The following GADL1 variants were observed in gnomAD, a reference collection of about 807,000 sequenced individuals.
GADL1 encodes the protein acidic amino acid decarboxylase GADL1.
In GADL1, 71 loss-of-function variants were observed where a neutral mutation model predicts 69.5. The ratio of observed to expected loss-of-function variants is 1.02; its 90% CI spans 0.84 to 1.25. The LOEUF (loss-of-function observed/expected upper bound fraction) is 1.25, where lower values mean the gene tolerates loss of function less well. GADL1 is among the 50% of genes most tolerant of loss of function. The pLI is 0.00. For missense variants in GADL1, 737 were observed against 631.8 expected, an observed-to-expected ratio of 1.17 and a Z score of -1.79; for synonymous variants, 254 against 214.4, an observed-to-expected ratio of 1.18 and a Z score of -1.62.
intron 12 of GADL1, among the ~76,000 whole-genome samples, chr3:30,790,303 T>A (rs762730211): frequency 6.6e-6 from 1 of 152,192 alleles, no homozygotes; most frequent in Non-Finnish European, 1.5e-5. Flanking sequence ...GGGTGCATTC[T>A]ATGGAGCCCC....
At chr3:30,849,441 C>T (rs1698110757) in intron 6 of GADL1, among the ~76,000 whole-genome samples, 1 of 152,112 alleles carries the variant, frequency 6.6e-6, no homozygotes, top group African/African-American at 2.4e-5. Context: ...GGACTGAATC[C>T]AGGCAGCCTA....
chr3:30,824,832 A>T (rs1697656649), intron 11 of GADL1, among the ~76,000 whole-genome samples: 1 of 151,296 alleles, frequency 6.6e-6, no homozygotes, highest in South Asian at 2.1e-4. Flanking sequence ...GTTTCTGGTT[A>T]TGTTCTTTAT....
At chr3:30,865,300 TATA>T (rs151329122) in intron 1 of GADL1, among the ~76,000 whole-genome samples, 23,476 of 148,918 alleles carry the variant, frequency 0.16, 2,386 homozygotes, top group East Asian at 0.36. Flanking sequence ...TATATATATA[TATA>T]TATTTTTTAA....
chr3:30,753,103 C>T (rs1007568481), intron 14 of GADL1, among the ~76,000 whole-genome samples: 1 of 152,094 alleles, frequency 6.6e-6, no homozygotes, highest in Non-Finnish European at 1.5e-5. Flanking sequence ...AGTGCAGTGT[C>T]TTTTTCTTAT....
chr3:30,752,599 C>T (rs545858583), intron 14 of GADL1, among the ~76,000 whole-genome samples: 2 of 152,272 alleles, frequency 1.3e-5, no homozygotes, highest in African/African-American at 2.4e-5. Context: ...TTTTCTCTGT[C>T]CTTTCTCTTA....
intron 14 of GADL1, among the ~76,000 whole-genome samples, chr3:30,765,367 T>C (rs529098000): frequency 6.6e-6 from 1 of 152,316 alleles, no homozygotes; most frequent in East Asian, 1.9e-4. Flanking sequence ...GGTGGGATAA[T>C]GGACAAAGAA....
intron 11 of GADL1, among the ~76,000 whole-genome samples, chr3:30,830,884 A>G (rs1482977603): frequency 3.3e-5 from 5 of 151,962 alleles, no homozygotes; most frequent in African/African-American, 1.2e-4. Flanking sequence ...CCTAAATGGA[A>G]TCATTCGTTC....
intron 11 of GADL1, among the ~76,000 whole-genome samples, chr3:30,813,579 T>C (rs1697401907): frequency 6.6e-6 from 1 of 152,254 alleles, no homozygotes; most frequent in Admixed American, 6.5e-5. Flanking sequence ...CAATTTTACC[T>C]GTAGCAGTAA....
At chr3:30,752,649 T>C (rs185551968) in intron 14 of GADL1, among the ~76,000 whole-genome samples, 1 of 152,158 alleles carries the variant, frequency 6.6e-6, no homozygotes, top group East Asian at 1.9e-4. Context: ...AAACGTCCAC[T>C]GGAGCATACT....
At chr3:30,786,616 G>A (rs970544245) in intron 12 of GADL1, among the ~76,000 whole-genome samples, 3 of 152,152 alleles carry the variant, frequency 2.0e-5, no homozygotes, top group African/African-American at 7.2e-5. Context: ...TTTTGATGAT[G>A]ATATCTATCT....
At chr3:30,752,944 C>T (rs1695865303) in intron 14 of GADL1, among the ~76,000 whole-genome samples, 1 of 123,616 alleles carries the variant, frequency 8.1e-6, no homozygotes, top group Non-Finnish European at 1.7e-5. Context: ...GAACACAATC[C>T]TCGTTTTTTA....
intron 4 of GADL1, among the ~76,000 whole-genome samples, chr3:30,852,034 G>A (rs1200021593): frequency 2.0e-5 from 3 of 152,080 alleles, no homozygotes; most frequent in African/African-American, 7.2e-5. Flanking sequence ...GAATAAATGT[G>A]TACTCTAAAT....
intron 1 of GADL1, among the ~76,000 whole-genome samples, chr3:30,892,638 G>GT (rs139430571): frequency 0.021 from 3,177 of 152,126 alleles, 107 homozygotes; most frequent in African/African-American, 0.072. Context: ...AGATACCTTG[G>GT]TTTTTTTGTT....
intron 11 of GADL1, among the ~76,000 whole-genome samples, chr3:30,803,936 C>T (rs1697207222): frequency 1.3e-5 from 2 of 152,128 alleles, no homozygotes. Flanking sequence ...TTATCTTGCT[C>T]ATCTTCATAC....
chr3:30,894,651 T>A lies in GADL1; in HGVS notation c.-37A>T. On this transcript the variant is annotated 5_prime_UTR_variant, in exon 1 of 15. Coordinates refer to ENST00000282538, the MANE Select transcript of GADL1 (RefSeq NM_207359.3). ...CACTCCAGGCTGCCCCGGGCGCGGC[T>A]CCCGCAGTCTGGGCGGCGACGGTGG... 1 of 1,544,902 alleles carries A rather than the reference T, an allele frequency of 6.5e-7. No individual in the cohort carries two copies. The highest frequency in any genetic ancestry group is 8.8e-7 in the Non-Finnish European group (1 of 1,142,360).
intron 1 of GADL1, among the ~76,000 whole-genome samples, chr3:30,881,930 A>G (rs1698648114): frequency 6.6e-6 from 1 of 151,858 alleles, no homozygotes; most frequent in African/African-American, 2.4e-5. Context: ...ACCTTCCATC[A>G]TGGAATGATG....
chr3:30,786,299 C>G, intron 13 of GADL1, 56 bp downstream of exon 13: 1 of 1,040,036 alleles, frequency 9.6e-7, no homozygotes. Context: ...AAGAAAATTA[C>G]CACCTTCATC....
Position 30,841,433 on chromosome 3 carries a change from G to A in GADL1, c.787-2320C>T, listed in dbSNP as rs529688467. On this transcript the variant is annotated intron_variant, in intron 8 of 14. Transcript: ENST00000282538. Reference sequence around the variant, plus strand: ...GACAAAAATGATAATGACTGTGGTGGAATAAAACCCTCTATGCTAGAAACA... The same window carrying A: ...GACAAAAATGATAATGACTGTGGTGAAATAAAACCCTCTATGCTAGAAACA... 6.6e-4 allele frequency among the ~76,000 whole-genome samples: 101 copies of A among 152,100 alleles called. 1 individual carries two copies. The highest frequency in any genetic ancestry group is 2.4e-3 in the African/African-American group (100 of 41,490).
chr3:30,790,282 C>T (rs972875960), intron 12 of GADL1, among the ~76,000 whole-genome samples: 12 of 152,120 alleles, frequency 7.9e-5, no homozygotes, highest in Non-Finnish European at 1.3e-4. Context: ...ATTAAGTTTT[C>T]CAGCTTCTAT....
Sources: gnomAD v4.1 joint callset for allele counts (sites outside exome capture counted in the v4.1 genomes callset) on GRCh38, gnomAD v4.1.1 for gene constraint, MANE v1.5 for transcripts, NCBI Gene and HGNC (gene_info 2026-07-23, HGNC 2026-07-21) for gene names.